TMEM132C: variants seen among roughly 807,000 people sequenced by gnomAD.
TMEM132C encodes transmembrane protein 132C.
TMEM132C carries 29 observed loss-of-function variants against 61.4 expected under a neutral mutation model. The ratio of observed to expected loss-of-function variants is 0.47; its 90% CI spans 0.35 to 0.64. TMEM132C has a LOEUF of 0.64. Ranked by LOEUF, TMEM132C falls within the 30% of genes least tolerant of loss-of-function variation. TMEM132C has a pLI of 0.00. For synonymous variants in TMEM132C, 656 were observed against 633.1 expected, an observed-to-expected ratio of 1.04 and a Z score of -0.54; for missense variants, 1,408 against 1,476.9, an observed-to-expected ratio of 0.95 and a Z score of 0.76.
At chr12:128,664,130 G>A (rs1231976424) in intron 4 of TMEM132C, among the ~76,000 whole-genome samples, 77 of 108,174 alleles carry the variant, frequency 7.1e-4, no homozygotes, top group South Asian at 1.7e-3. Context: ...ACGCACGCGG[G>A]CACTCACACA....
intron 4 of TMEM132C, among the ~76,000 whole-genome samples, chr12:128,629,724 T>G (rs1405634466): frequency 6.6e-6 from 1 of 152,068 alleles, no homozygotes; most frequent in East Asian, 1.9e-4. Context: ...TCCCAGCACT[T>G]TGGGAGGCCA....
chr12:128,527,707 A>ATGTGTGTGTGTGTGTG (rs5801799), intron 2 of TMEM132C, among the ~76,000 whole-genome samples: 95 of 147,190 alleles, frequency 6.5e-4, no homozygotes, highest in African/African-American at 2.3e-3. Context: ...ATGTGCATGT[A>ATGTGTGTGTGTGTGTG]TGTGTGTGTG....
chr12:128,573,972 G>A (rs1260618072), intron 3 of TMEM132C, among the ~76,000 whole-genome samples: 2 of 151,794 alleles, frequency 1.3e-5, no homozygotes, highest in African/African-American at 4.8e-5. Context: ...GGAGTGGAGA[G>A]GTTTCCCCAA....
In TMEM132C at chr12:128,330,493, C is replaced by T. The variant is rs560224783; in HGVS notation, c.85+63006C>T. Among the ~76,000 whole-genome samples, 4 of 152,272 alleles carry T rather than the reference C, an allele frequency of 2.6e-5. No individual in the cohort carries two copies. In the East Asian group the frequency reaches 5.8e-4, roughly 22 times the overall value. On this transcript the variant is annotated intron_variant, in intron 1 of 8. Coordinates refer to ENST00000435159, the MANE Select transcript of TMEM132C (RefSeq NM_001136103.3). ...ACATGAGCCCAGGAGTCCAAGGCTG[C>T]AATGAGCTGTGAGTGCACCGCTGCA...
intron 1 of TMEM132C, among the ~76,000 whole-genome samples, chr12:128,371,677 A>G (rs1004631589): frequency 3.9e-5 from 6 of 152,190 alleles, no homozygotes; most frequent in South Asian, 2.1e-4. Context: ...GGCCCAAGCA[A>G]TCCTCCTGTC....
At chr12:128,561,434 T>C (rs1874516169) in intron 3 of TMEM132C, among the ~76,000 whole-genome samples, 1 of 152,220 alleles carries the variant, frequency 6.6e-6, no homozygotes, top group African/African-American at 2.4e-5. Context: ...GCCTTCTGCA[T>C]GCCTGTTAAA....
At chr12:128,469,640 T>G (rs576513495) in intron 2 of TMEM132C, among the ~76,000 whole-genome samples, 8,636 of 146,592 alleles carry the variant, frequency 0.059, 814 homozygotes, top group African/African-American at 0.2. Context: ...GTGTGTGTGT[T>G]TGTGTGTGTG....
chr12:128,411,074 ATTGTC>A (rs1226426043), intron 1 of TMEM132C, among the ~76,000 whole-genome samples: 1 of 152,106 alleles, frequency 6.6e-6, no homozygotes, highest in African/African-American at 2.4e-5. Flanking sequence ...GGGAACCGAT[ATTGTC>A]TTATTCTCTG....
chr12:128,652,709 T>C (rs574346821), intron 4 of TMEM132C, among the ~76,000 whole-genome samples: 2 of 152,216 alleles, frequency 1.3e-5, no homozygotes, highest in African/African-American at 2.4e-5. Context: ...GGAGCCCCCA[T>C]TGCTGTCTGG....
chr12:128,473,320 A>C (rs113416451), intron 2 of TMEM132C, among the ~76,000 whole-genome samples: 175 of 1,356 alleles, frequency 0.13, 1 homozygote, highest in Middle Eastern at 0.33. Flanking sequence ...TCCAGCCTCT[A>C]TCTTCATCTT....
chr12:128,357,301 C>G (rs1873538512), intron 1 of TMEM132C, among the ~76,000 whole-genome samples: 1 of 152,028 alleles, frequency 6.6e-6, no homozygotes, highest in Non-Finnish European at 1.5e-5. Flanking sequence ...ACCAACAGGA[C>G]CAAGGGAATT....
intron 5 of TMEM132C, among the ~76,000 whole-genome samples, chr12:128,687,110 G>A (rs1338845775): frequency 1.3e-5 from 2 of 149,810 alleles, no homozygotes; most frequent in African/African-American, 2.5e-5. Flanking sequence ...GCTGAGGCAG[G>A]GGAATCACTT....
intron 1 of TMEM132C, among the ~76,000 whole-genome samples, chr12:128,275,846 A>G (rs1293172885): frequency 1.3e-5 from 2 of 152,200 alleles, no homozygotes; most frequent in African/African-American, 4.8e-5. Flanking sequence ...TCTGGGGCCA[A>G]AAGTCCAAAA....
chr12:128,577,050 G>T (rs1875133593), intron 3 of TMEM132C, among the ~76,000 whole-genome samples: 1 of 151,970 alleles, frequency 6.6e-6, no homozygotes, highest in Non-Finnish European at 1.5e-5. Flanking sequence ...ACCTCAAAAG[G>T]CAACCCCATA....
intron 1 of TMEM132C, among the ~76,000 whole-genome samples, chr12:128,306,377 AT>A (rs1199672209): frequency 5.3e-5 from 8 of 151,398 alleles, no homozygotes; most frequent in East Asian, 2.0e-4. Context: ...AATTTTTTGT[AT>A]TTTTTAGTAG....
At chr12:128,496,158 G>C (rs1871949047) in intron 2 of TMEM132C, among the ~76,000 whole-genome samples, 1 of 152,064 alleles carries the variant, frequency 6.6e-6, no homozygotes, top group Non-Finnish European at 1.5e-5. Flanking sequence ...TTGAATATTG[G>C]CCCCCAATCT....
chr12:128,502,253 A>G (rs1165261767), intron 2 of TMEM132C, among the ~76,000 whole-genome samples: 1 of 152,116 alleles, frequency 6.6e-6, no homozygotes, highest in Non-Finnish European at 1.5e-5. Flanking sequence ...AGAGACAAAC[A>G]CATGAACAAA....
intron 1 of TMEM132C, among the ~76,000 whole-genome samples, chr12:128,388,409 G>A (rs540709505): frequency 1.3e-5 from 2 of 152,386 alleles, no homozygotes; most frequent in East Asian, 1.9e-4. Flanking sequence ...TTTTAAAGAA[G>A]TGGCATCTTC....
At chr12:128,421,490 G>T (rs962791469) in intron 2 of TMEM132C, among the ~76,000 whole-genome samples, 2 of 152,150 alleles carry the variant, frequency 1.3e-5, no homozygotes, top group African/African-American at 4.8e-5. Context: ...ATGGGTCTTC[G>T]CACAATGGTT....
Sources: allele counts gnomAD v4.1 joint callset (sites outside exome capture counted in the v4.1 genomes callset), GRCh38; gene constraint gnomAD v4.1.1; transcripts MANE v1.5; gene names NCBI Gene and HGNC (gene_info 2026-07-23, HGNC 2026-07-21).